The following XPR1 variants were observed in gnomAD, a reference collection of about 807,000 sequenced individuals.
The protein encoded by XPR1 is xenotropic and polytropic retrovirus receptor 1, also known as solute carrier family 53 member 1.
XPR1 carries 28 observed loss-of-function variants against 87.5 expected under a neutral mutation model. The ratio of observed to expected loss-of-function variants is 0.32; its 90% CI spans 0.24 to 0.44. XPR1 has a LOEUF of 0.44. XPR1 is among the 20% of genes least tolerant of loss of function. XPR1 has a pLI of 1.00. For synonymous variants in XPR1, 300 were observed against 306.1 expected, an observed-to-expected ratio of 0.98 and a Z score of 0.21; for missense variants, 559 against 862.3, an observed-to-expected ratio of 0.65 and a Z score of 4.41.
intron 14 of XPR1, 130 bp downstream of exon 14, chr1:180,880,427 A>G: frequency 1.0e-6 from 1 of 958,644 alleles, no homozygotes; most frequent in East Asian, 2.6e-5. Context: ...CACCTACAAA[A>G]AAACAGTAAT....
At chr1:180,693,116 G>A (rs571913006) in intron 2 of XPR1, among the ~76,000 whole-genome samples, 3 of 152,198 alleles carry the variant, frequency 2.0e-5, no homozygotes, top group African/African-American at 7.2e-5. Flanking sequence ...TAGACTCTAC[G>A]TTGTAGAGGA....
intron 1 of XPR1, among the ~76,000 whole-genome samples, chr1:180,642,322 C>A (rs185414966): frequency 1.1e-4 from 17 of 152,196 alleles, no homozygotes; most frequent in Non-Finnish European, 2.2e-4. Context: ...TTACCTGTAA[C>A]CCAAATTGCC....
At chr1:180,660,143 C>T (rs1655717116) in intron 1 of XPR1, among the ~76,000 whole-genome samples, 1 of 152,054 alleles carries the variant, frequency 6.6e-6, no homozygotes, top group Non-Finnish European at 1.5e-5. Flanking sequence ...GATTTTCCAT[C>T]TTACTGGCAT....
intron 3 of XPR1, among the ~76,000 whole-genome samples, chr1:180,790,343 A>G (rs1322786228): frequency 2.0e-5 from 3 of 152,020 alleles, no homozygotes; most frequent in Non-Finnish European, 4.4e-5. Flanking sequence ...TCTCCTTAGC[A>G]AGTCATTCCC....
chr1:180,777,775 G>A (rs1648780814), intron 2 of XPR1, among the ~76,000 whole-genome samples: 1 of 152,080 alleles, frequency 6.6e-6, no homozygotes, highest in South Asian at 2.1e-4. Context: ...TGAAACAGTA[G>A]TGCTAAATAT....
chr1:180,778,723 A>G (rs1477289618), intron 2 of XPR1, among the ~76,000 whole-genome samples: 1 of 152,232 alleles, frequency 6.6e-6, no homozygotes, highest in Non-Finnish European at 1.5e-5. Context: ...CCTTAAAAAA[A>G]ATCAGTTTGA....
At chr1:180,852,116 A>G (rs1392964676) in intron 11 of XPR1, among the ~76,000 whole-genome samples, 1 of 152,042 alleles carries the variant, frequency 6.6e-6, no homozygotes, top group Admixed American at 6.6e-5. Flanking sequence ...CAATAATACT[A>G]TATTATCAGT....
At chr1:180,744,650 C>CTCTTTTTTTTTTTTTT (rs1553243737) in intron 2 of XPR1, among the ~76,000 whole-genome samples, 2 of 56,946 alleles carry the variant, frequency 3.5e-5, no homozygotes, top group African/African-American at 1.2e-4. Flanking sequence ...GGCACAATTT[C>CTCTTTTTTTTTTTTTT]TTTCTTTTTT....
rs532645711 is a variant in XPR1 at position 180,889,820 on chromosome 1, C to T, written c.*5754C>T. On this transcript the variant is annotated 3_prime_UTR_variant, in exon 15 of 15. Coordinates refer to ENST00000367590, the MANE Select transcript of XPR1 (RefSeq NM_004736.4). ...CCTTCACCCCTCTCCCTCCACCACA[C>T]TGTGTTGGTCAAATGATACTATTCT... 3 of 152,334 alleles carry T rather than the reference C, an allele frequency of 2.0e-5. No homozygotes were observed. Among genetic ancestry groups the T allele is most frequent in the Admixed American group, 6.5e-5 (1 of 15,306 alleles). 9.4% of individuals were successfully genotyped at this position (152,334 alleles called of 1,614,324 possible). A position where few individuals can be genotyped will look rare whatever the true frequency, so the allele number is the denominator to read the frequency against.
chr1:180,862,357 T>C (rs114468771), intron 11 of XPR1, among the ~76,000 whole-genome samples: 151 of 152,228 alleles, frequency 9.9e-4, no homozygotes, highest in African/African-American at 3.3e-3. Context: ...CTACACTAGA[T>C]GTAGGTAACT....
At chr1:180,873,017 T>G (rs1370758515) in intron 12 of XPR1, among the ~76,000 whole-genome samples, 3 of 152,136 alleles carry the variant, frequency 2.0e-5, no homozygotes, top group Non-Finnish European at 4.4e-5. Flanking sequence ...TTTAAAAATT[T>G]TTTAAGTAAA....
intron 2 of XPR1, among the ~76,000 whole-genome samples, chr1:180,686,824 C>G (rs1461184171): frequency 6.6e-6 from 1 of 152,144 alleles, no homozygotes; most frequent in African/African-American, 2.4e-5. Context: ...TAGAAAGTCT[C>G]ATTTCATCAA....
intron 2 of XPR1, among the ~76,000 whole-genome samples, chr1:180,777,968 G>A (rs1019632938): frequency 6.6e-6 from 1 of 152,028 alleles, no homozygotes; most frequent in Non-Finnish European, 1.5e-5. Context: ...ACTGTTTCAG[G>A]AGATCTTGTT....
intron 4 of XPR1, among the ~76,000 whole-genome samples, chr1:180,804,884 A>C (rs114279323): frequency 0.011 from 1,739 of 152,276 alleles, 38 homozygotes; most frequent in African/African-American, 0.039. Context: ...CCTCTTTCCT[A>C]TAATGGTATA....
At chr1:180,750,284 C>T (rs937704368) in intron 2 of XPR1, among the ~76,000 whole-genome samples, 1 of 152,106 alleles carries the variant, frequency 6.6e-6, no homozygotes, top group Non-Finnish European at 1.5e-5. Context: ...TTCTGTAGTG[C>T]ATAGCTGATT....
intron 2 of XPR1, among the ~76,000 whole-genome samples, chr1:180,694,082 C>A (rs1369959142): frequency 6.6e-6 from 1 of 152,016 alleles, no homozygotes; most frequent in Non-Finnish European, 1.5e-5. Context: ...CTCAGTCTCC[C>A]GAGTAGCTAG....
At chr1:180,636,877 C>T (rs1654793698) in intron 1 of XPR1, among the ~76,000 whole-genome samples, 1 of 151,958 alleles carries the variant, frequency 6.6e-6, no homozygotes, top group Admixed American at 6.6e-5. Context: ...CATGGTGAAA[C>T]CCCATCTCTA....
chr1:180,702,947 T>C (rs1198652315), intron 2 of XPR1, among the ~76,000 whole-genome samples: 3 of 152,164 alleles, frequency 2.0e-5, no homozygotes, highest in Non-Finnish European at 4.4e-5. Context: ...AGAGAAAGAC[T>C]TTTTCCTGTA....
At chr1:180,729,156 G>A (rs145676246) in intron 2 of XPR1, among the ~76,000 whole-genome samples, 4,430 of 152,238 alleles carry the variant, frequency 0.029, 99 homozygotes, top group Non-Finnish European at 0.041. Context: ...CTATGTTCCT[G>A]CAAAGGACAT....
Sources: gnomAD v4.1 joint callset for allele counts (sites outside exome capture counted in the v4.1 genomes callset) on GRCh38, gnomAD v4.1.1 for gene constraint, MANE v1.5 for transcripts, NCBI Gene and HGNC (gene_info 2026-07-23, HGNC 2026-07-21) for gene names.